Variants in LRRK2 observed in about 807,000 individuals in gnomAD.
LRRK2 encodes the protein leucine-rich repeat serine/threonine-protein kinase 2.
LRRK2 carries 203 observed loss-of-function variants against 302.6 expected under a neutral mutation model. The ratio of observed to expected loss-of-function variants is 0.67; its 90% CI spans 0.60 to 0.75. The LOEUF (loss-of-function observed/expected upper bound fraction) is 0.75. Among genes scored for constraint, LRRK2 ranks in the 30% least tolerant of loss-of-function variants. LRRK2 has a pLI of 0.00. For synonymous variants in LRRK2, 1,066 were observed against 1,031.9 expected (o/e 1.03, Z -0.63); for missense variants, 2,830 against 2,951.0 (o/e 0.96, Z 0.95).
intron 2 of LRRK2, among the ~76,000 whole-genome samples, chr12:40,226,082 A>G (rs1200136258): frequency 6.6e-6 from 1 of 152,244 alleles, no homozygotes; most frequent in Non-Finnish European, 1.5e-5. Flanking sequence ...AAACTCTTGT[A>G]GAGTTCAGCA....
chr12:40,321,490 C>A (rs1422537099), intron 35 of LRRK2, among the ~76,000 whole-genome samples: 1 of 135,984 alleles, frequency 7.4e-6, no homozygotes, highest in African/African-American at 2.7e-5. Context: ...TTCTGTTGCA[C>A]AGCCACTAAG....
intron 3 of LRRK2, among the ~76,000 whole-genome samples, chr12:40,233,080 C>T (rs933581751): frequency 6.6e-6 from 1 of 152,054 alleles, no homozygotes; most frequent in African/African-American, 2.4e-5. Context: ...TAAAAAATAT[C>T]TTCTAAGCTA....
rs755698334 is a variant in LRRK2 at position 40,367,748 on chromosome 12, C to T, written c.7567C>T (p.Arg2523Ter). ...AAAAGAATTAGCTGAAAAAATGAGA[C>T]GAACATCTGTTGAGTAAGAGAGAAA... ...VRKELAEKMR[R>*]TSVE Residue 2523 changes from arginine to a stop codon, truncating the protein, a stop_gained, in exon 51 of 51, where the codon CGA (arginine) becomes TGA (stop). Coordinates refer to ENST00000298910, the MANE Select transcript of LRRK2 (RefSeq NM_198578.4). LOFTEE classifies it high-confidence loss of function. The T allele has an allele frequency of 6.9e-6, 11 of 1,604,410 alleles. No homozygotes were observed. Among genetic ancestry groups the T allele is most frequent in the Middle Eastern group, 1.7e-4 (1 of 6,004 alleles).
chr12:40,229,473 A>G (rs1332540393), intron 2 of LRRK2, among the ~76,000 whole-genome samples: 4 of 152,126 alleles, frequency 2.6e-5, no homozygotes, highest in Admixed American at 2.0e-4. Context: ...CGGTTAAGCT[A>G]GGTGCTTTAT....
intron 26 of LRRK2, among the ~76,000 whole-genome samples, chr12:40,303,428 A>T (rs1944698404): frequency 6.6e-6 from 1 of 152,124 alleles, no homozygotes; most frequent in African/African-American, 2.4e-5. Context: ...AACCAAATTC[A>T]TAAAAATATA....
chr12:40,365,545 A>ATT (rs11374074), intron 49 of LRRK2: 1 of 151,654 alleles, frequency 6.6e-6, no homozygotes, highest in Non-Finnish European at 1.5e-5. Context: ...TTTTGCTTCT[A>ATT]TTTTTATATT....
chr12:40,297,700 G>T (rs1160842818), intron 23 of LRRK2, among the ~76,000 whole-genome samples: 1 of 151,994 alleles, frequency 6.6e-6, no homozygotes, highest in Admixed American at 6.6e-5. Flanking sequence ...GTGTAAGTAG[G>T]GGTTTGCTAT....
intron 40 of LRRK2, among the ~76,000 whole-genome samples, chr12:40,339,733 T>A (rs1218854343): frequency 6.6e-6 from 1 of 152,298 alleles, no homozygotes; most frequent in Non-Finnish European, 1.5e-5. Context: ...TATTTTCATT[T>A]GTTTTCATCC....
chr12:40,344,698 G>A (rs886170418), intron 41 of LRRK2, among the ~76,000 whole-genome samples: 7 of 152,008 alleles, frequency 4.6e-5, no homozygotes, highest in African/African-American at 1.7e-4. Flanking sequence ...CACTTTATTA[G>A]GGATATGTTT....
chr12:40,249,501 T>A (rs1942159568), intron 7 of LRRK2, among the ~76,000 whole-genome samples: 1 of 152,128 alleles, frequency 6.6e-6, no homozygotes, highest in South Asian at 2.1e-4. Context: ...AATTAAGTTA[T>A]TTTACACAAT....
chr12:40,309,890 G>A (rs1217706401), intron 30 of LRRK2, among the ~76,000 whole-genome samples: 1 of 152,050 alleles, frequency 6.6e-6, no homozygotes, highest in African/African-American at 2.4e-5. Context: ...TTGTAATTTG[G>A]GTATTTTTTA....
At chr12:40,301,248 A>G (rs909312793) in intron 25 of LRRK2, among the ~76,000 whole-genome samples, 2 of 152,090 alleles carry the variant, frequency 1.3e-5, no homozygotes, top group African/African-American at 4.8e-5. Flanking sequence ...AAATGGTGAA[A>G]CCCTGTCTCT....
At chr12:40,276,573 G>A (rs1425597935) in intron 16 of LRRK2, among the ~76,000 whole-genome samples, 2 of 152,164 alleles carry the variant, frequency 1.3e-5, no homozygotes, top group African/African-American at 4.8e-5. Flanking sequence ...TGGGATTACA[G>A]GCATGAGCCA....
rs537897286 is a variant in LRRK2 at position 40,335,499 on chromosome 12, G to T, written c.5948+342G>T. 8.2e-4 allele frequency among the ~76,000 whole-genome samples: 125 copies of T among 152,318 alleles called. 1 individual carries two copies. The highest frequency in any genetic ancestry group is 2.9e-3 in the African/African-American group (119 of 41,570). ...CAATTACATGATTCCAATGAGGAAA[G>T]ATGAGTCCATACTTCTCAAGGGGAC... is the stretch of plus-strand genomic sequence containing the variant. On this transcript the variant is annotated intron_variant, in intron 40 of 50. Transcript: ENST00000298910.
Position 40,284,153 on chromosome 12 carries a change from T to C in LRRK2, c.2500+20T>C, listed in dbSNP as rs924822913. On this transcript the variant is annotated intron_variant, in intron 19 of 50. Coordinates refer to ENST00000298910, the MANE Select transcript of LRRK2 (RefSeq NM_198578.4). ...AAACAAGTAAGTAACAAGGAGAATA[T>C]TTTTTACAATTCTTATTTTTAATAG... 6.3e-6 allele frequency: 10 copies of C among 1,580,746 alleles called. No homozygotes were observed. The highest frequency in any genetic ancestry group is 8.7e-6 in the Non-Finnish European group (10 of 1,154,984).
At chr12:40,326,647 C>A (rs970825048) in intron 38 of LRRK2, among the ~76,000 whole-genome samples, 3 of 152,018 alleles carry the variant, frequency 2.0e-5, no homozygotes, top group Non-Finnish European at 4.4e-5. Context: ...ATGTTTCCAT[C>A]TCTCCGACCG....
intron 20 of LRRK2, among the ~76,000 whole-genome samples, chr12:40,291,924 A>G (rs1045011105): frequency 1.3e-5 from 2 of 152,128 alleles, no homozygotes; most frequent in Admixed American, 6.6e-5. Context: ...AGGACTATAT[A>G]TAAAAATAAT....
intron 4 of LRRK2, among the ~76,000 whole-genome samples, chr12:40,236,837 T>G (rs11564115): frequency 0.037 from 5,614 of 152,210 alleles, 343 homozygotes; most frequent in East Asian, 0.32. Context: ...TGATTTAATT[T>G]AACCTCACCC....
At chr12:40,250,565 C>T (rs11175729) in intron 8 of LRRK2, among the ~76,000 whole-genome samples, 20,900 of 152,182 alleles carry the variant, frequency 0.14, 1,704 homozygotes, top group Middle Eastern at 0.24. Context: ...CATAGGTAGA[C>T]GTGTGCCATG....
Sources: gnomAD v4.1 joint callset for allele counts (sites outside exome capture counted in the v4.1 genomes callset) on GRCh38, gnomAD v4.1.1 for gene constraint, MANE v1.5 for transcripts, NCBI Gene and HGNC (gene_info 2026-07-23, HGNC 2026-07-21) for gene names.